Variants in ZNF362 observed in about 807,000 individuals in gnomAD.
ZNF362 encodes the protein zinc finger protein 362.
ZNF362 carries 11 observed loss-of-function variants against 42.9 expected under a neutral mutation model. The observed-to-expected ratio is 0.26, with a 90% CI of 0.16 to 0.42. The LOEUF (loss-of-function observed/expected upper bound fraction) is 0.42, where lower values mean the gene tolerates loss of function less well. ZNF362 is among the 20% of genes least tolerant of loss of function. The pLI is 1.00. For missense variants in ZNF362, 362 were observed against 576.2 expected (o/e 0.63, Z 3.81); for synonymous variants, 255 against 257.3 (o/e 0.99, Z 0.09).
the ZNF362 span, among the ~76,000 whole-genome samples, chr1:33,180,188 T>G: frequency 7.0e-4 from 106 of 152,284 alleles, no homozygotes; most frequent in Non-Finnish European, 1.1e-3. Context: ...TCAAAAGTCC[T>G]GATGTGGGGG....
At chr1:33,168,188 T>G in the ZNF362 span, among the ~76,000 whole-genome samples, 1 of 152,210 alleles carries the variant, frequency 6.6e-6, no homozygotes, top group East Asian at 1.9e-4. Flanking sequence ...ACAAGCTGCT[T>G]GTTTTGAGAG....
the ZNF362 span, among the ~76,000 whole-genome samples, chr1:33,189,659 ATATATATATATATGTATATATATACG>A: frequency 8.3e-5 from 2 of 24,020 alleles, no homozygotes; most frequent in Non-Finnish European, 2.6e-4. Context: ...ATATATATAT[ATATATATATATATGTATATATATACG>A]TATATATATA....
the ZNF362 span, among the ~76,000 whole-genome samples, chr1:33,197,938 A>G: frequency 6.6e-6 from 1 of 152,210 alleles, no homozygotes; most frequent in Admixed American, 6.5e-5. Flanking sequence ...CTCTTGAGGC[A>G]CTGTGTAGAG....
chr1:33,178,473 G>A, the ZNF362 span, among the ~76,000 whole-genome samples: 5 of 152,268 alleles, frequency 3.3e-5, no homozygotes, highest in East Asian at 1.9e-4. Flanking sequence ...CCTCCTTCTC[G>A]GGCCAGAGAG....
chr1:33,299,280 T>C lies in ZNF362; in HGVS notation c.*234T>C, dbSNP rs1209289894. The stretch of plus-strand genomic sequence containing the variant: ...CATCCAAAGACGATCTCAGAGCACT[T>C]TGAACCTCTCTGTTGAGTTTTCTTT... On this transcript the variant is annotated 3_prime_UTR_variant, in exon 9 of 9. Coordinates refer to ENST00000539719, the MANE Select transcript of ZNF362 (RefSeq NM_152493.3). 4.5e-6 allele frequency: 2 copies of C among 442,678 alleles called. No individual in the cohort carries two copies. Among genetic ancestry groups the C allele is most frequent in the Non-Finnish European group, 8.1e-6 (2 of 245,762 alleles). The allele number at this position is 442,678 out of a possible 1,614,324, so 27.4% of individuals were successfully genotyped here.
At chr1:33,147,585 C>G in the ZNF362 span, 22 of 1,614,158 alleles carry the variant, frequency 1.4e-5, no homozygotes, top group African/African-American at 2.9e-4. This position sits in a 1 kb window ranked among gnomAD's most constrained non-coding sequence, Gnocchi z 8.1. Flanking sequence ...CAGAACCCAG[C>G]ACCGACACCT....
chr1:33,263,691 G>T (rs1645844973), intron 1 of ZNF362, among the ~76,000 whole-genome samples: 1 of 152,202 alleles, frequency 6.6e-6, no homozygotes, highest in South Asian at 2.1e-4. Flanking sequence ...GATTACAGGT[G>T]TGAGCCACCG....
chr1:33,211,962 C>T, the ZNF362 span, among the ~76,000 whole-genome samples: 1 of 152,122 alleles, frequency 6.6e-6, no homozygotes, highest in Non-Finnish European at 1.5e-5. Context: ...TGTGTCCCCA[C>T]CCAAATCTCA....
the ZNF362 span, among the ~76,000 whole-genome samples, chr1:33,149,509 CA>C: frequency 6.6e-6 from 1 of 151,950 alleles, no homozygotes; most frequent in Non-Finnish European, 1.5e-5. Context: ...GGCTGGAGTG[CA>C]GTAGTGTCAT....
the ZNF362 span, among the ~76,000 whole-genome samples, chr1:33,238,071 C>A: frequency 6.6e-6 from 1 of 152,128 alleles, no homozygotes; most frequent in Non-Finnish European, 1.5e-5. Context: ...GTAATCCCAG[C>A]ACCTTTGGGA....
chr1:33,272,647 AC>A (rs1446855459), intron 2 of ZNF362, among the ~76,000 whole-genome samples: 7 of 151,470 alleles, frequency 4.6e-5, no homozygotes, highest in African/African-American at 1.5e-4. Context: ...TGCACACTCA[AC>A]CCCCGGGTGG....
the ZNF362 span, among the ~76,000 whole-genome samples, chr1:33,155,816 G>C: frequency 2.6e-5 from 4 of 152,058 alleles, no homozygotes; most frequent in South Asian, 6.2e-4. Flanking sequence ...TCTGCCCTTG[G>C]GGGGGATCTG....
At chr1:33,172,167 C>T in the ZNF362 span, among the ~76,000 whole-genome samples, 4 of 152,162 alleles carry the variant, frequency 2.6e-5, no homozygotes, top group African/African-American at 4.8e-5. Flanking sequence ...CCTGACATGA[C>T]GTACAGGGTG....
At position 33,281,460 on chromosome 1, in the gene ZNF362, C is replaced by T; in HGVS notation, c.684-127C>T. 1.2e-6 allele frequency: 1 copy of T among 857,888 alleles called. No homozygotes were observed. The highest frequency in any genetic ancestry group is 1.6e-5 in the South Asian group (1 of 61,484). 53.1% of individuals were successfully genotyped at this position (857,888 alleles called of 1,614,324 possible). A position where few individuals can be genotyped will look rare whatever the true frequency, so the allele number is the denominator to read the frequency against. On this transcript the variant is annotated intron_variant, in intron 5 of 8. Transcript: ENST00000539719. The surrounding 1 kb of genome is among the most constrained non-coding windows in gnomAD (Gnocchi z 4.8). Reference sequence around the variant, plus strand: ...TGTCCCCTGTCTTTCCCAGGTGGTCCTGTGCTTCTTGGGCTCATCACAGGA... The same window carrying T: ...TGTCCCCTGTCTTTCCCAGGTGGTCTTGTGCTTCTTGGGCTCATCACAGGA...
intron 2 of ZNF362, among the ~76,000 whole-genome samples, chr1:33,270,936 C>T (rs1490950079): frequency 6.6e-6 from 1 of 152,130 alleles, no homozygotes; most frequent in Non-Finnish European, 1.5e-5. Context: ...AGTGGGCCTC[C>T]TGGGCTCCAC....
chr1:33,181,372 G>T, the ZNF362 span: 1 of 1,600,150 alleles, frequency 6.2e-7, no homozygotes, highest in African/African-American at 1.3e-5. The surrounding 1 kb of genome is among the most constrained non-coding windows in gnomAD (Gnocchi z 6.5). Flanking sequence ...AGGCTCACCG[G>T]GTCCTGGTAG....
rs764107477 is a variant in ZNF362, at chr1:33,276,088, C to T, written c.39-12C>T. ...GGCTCTCTTCCCGGTGACAGTCGCT[C>T]TCTTCCCGCAGGATGGCCGAGCCTC... On this transcript the variant is annotated splice_polypyrimidine_tract_variant and intron_variant, in intron 2 of 8. Coordinates refer to ENST00000539719, the MANE Select transcript of ZNF362 (RefSeq NM_152493.3). 11 of 1,613,998 alleles carry T rather than the reference C, an allele frequency of 6.8e-6. No homozygotes were observed. The highest frequency in any genetic ancestry group is 6.8e-6 in the Non-Finnish European group (8 of 1,179,984).
the ZNF362 span, among the ~76,000 whole-genome samples, chr1:33,203,573 GATCT>G: frequency 1.5e-4 from 23 of 152,128 alleles, no homozygotes; most frequent in Admixed American, 7.2e-4. Flanking sequence ...TGGCTGTACC[GATCT>G]ACATTCCCAC....
At chr1:33,206,289 T>C in the ZNF362 span, among the ~76,000 whole-genome samples, 1 of 151,900 alleles carries the variant, frequency 6.6e-6, no homozygotes, top group Non-Finnish European at 1.5e-5. Flanking sequence ...ATAAAACTTC[T>C]AGAAGAAAAC....
Sources: gnomAD v4.1 joint callset for allele counts (sites outside exome capture counted in the v4.1 genomes callset) on GRCh38, gnomAD v4.1.1 for gene constraint, Gnocchi (gnomAD v3.1) non-coding constraint, MANE v1.5 for transcripts, NCBI Gene and HGNC (gene_info 2026-07-23, HGNC 2026-07-21) for gene names.